BTC: variants seen among roughly 807,000 people sequenced by gnomAD.
BTC encodes probetacellulin.
BTC carries 13 observed loss-of-function variants against 18.1 expected under a neutral mutation model. The ratio of observed to expected loss-of-function variants is 0.72; its 90% CI spans 0.47 to 1.14. The LOEUF (loss-of-function observed/expected upper bound fraction) is 1.14. Among genes scored for constraint, BTC ranks in the 50% most tolerant of loss-of-function variants. The pLI is 0.00. For synonymous variants in BTC, 83 were observed against 79.4 expected (o/e 1.05, Z -0.24); for missense variants, 247 against 224.2 (o/e 1.10, Z -0.65).
At chr4:74,792,062 A>T (rs908301932) in intron 1 of BTC, among the ~76,000 whole-genome samples, 3 of 152,124 alleles carry the variant, frequency 2.0e-5, no homozygotes, top group Non-Finnish European at 4.4e-5. Flanking sequence ...AAGTAAATAG[A>T]ACAACATGTG....
chr4:74,773,635 A>G (rs1305452216), intron 1 of BTC, among the ~76,000 whole-genome samples: 2 of 150,178 alleles, frequency 1.3e-5, no homozygotes, highest in African/African-American at 2.5e-5. Context: ...TTTTTTAGAC[A>G]GAGTCTCACT....
At chr4:74,764,024 A>G (rs1724835032) in intron 2 of BTC, among the ~76,000 whole-genome samples, 2 of 152,058 alleles carry the variant, frequency 1.3e-5, no homozygotes, top group South Asian at 4.1e-4. Context: ...TTTTAAAGAA[A>G]GCAGAAAATA....
intron 1 of BTC, among the ~76,000 whole-genome samples, chr4:74,770,902 G>A (rs2109900946): frequency 6.9e-6 from 1 of 145,868 alleles, no homozygotes; most frequent in Admixed American, 6.7e-5. Flanking sequence ...ACAAAACAGG[G>A]TCTATATCGT....
intron 2 of BTC, among the ~76,000 whole-genome samples, chr4:74,765,128 C>A: frequency 1.1e-5 from 1 of 94,222 alleles, no homozygotes. Flanking sequence ...AATGAAGGAA[C>A]AGGTAAATAT....
intron 1 of BTC, among the ~76,000 whole-genome samples, chr4:74,785,137 T>C (rs192737325): frequency 9.3e-4 from 142 of 152,306 alleles, no homozygotes; most frequent in African/African-American, 3.3e-3. Flanking sequence ...TTCAATTTCT[T>C]CCTGAGTTAG....
chr4:74,791,168 C>A (rs1725614319), intron 1 of BTC, among the ~76,000 whole-genome samples: 1 of 144,064 alleles, frequency 6.9e-6, no homozygotes, highest in Admixed American at 6.7e-5. Flanking sequence ...ATGCCAAAAC[C>A]CCGTCTCTTC....
intron 2 of BTC, among the ~76,000 whole-genome samples, chr4:74,760,827 C>T (rs1236444674): frequency 4.0e-5 from 6 of 151,846 alleles, no homozygotes; most frequent in African/African-American, 1.2e-4. Context: ...CTCCGCCTCC[C>T]GGGTTCACGC....
At chr4:74,767,614 A>C (rs927303660) in intron 2 of BTC, among the ~76,000 whole-genome samples, 1 of 152,246 alleles carries the variant, frequency 6.6e-6, no homozygotes, top group South Asian at 2.1e-4. Context: ...CTGGATAGCC[A>C]AAACAATCTT....
chr4:74,767,163 T>C (rs1202962563), intron 2 of BTC, among the ~76,000 whole-genome samples: 1 of 147,240 alleles, frequency 6.8e-6, no homozygotes, highest in Non-Finnish European at 1.5e-5. Context: ...ATCCTATACA[T>C]AAAAAATTCT....
At chr4:74,757,795 C>G (rs571601501) in intron 2 of BTC, among the ~76,000 whole-genome samples, 2 of 152,164 alleles carry the variant, frequency 1.3e-5, no homozygotes, top group South Asian at 4.1e-4. Flanking sequence ...TTTAGCTATG[C>G]CTTTCACTAG....
chr4:74,781,195 C>G (rs976207350), intron 1 of BTC, among the ~76,000 whole-genome samples: 1 of 150,204 alleles, frequency 6.7e-6, no homozygotes, highest in African/African-American at 2.5e-5. Flanking sequence ...TTTCCAAGCT[C>G]CATTTGGGGA....
intron 3 of BTC, among the ~76,000 whole-genome samples, chr4:74,755,398 C>A (rs1724570996): frequency 6.6e-6 from 1 of 152,202 alleles, no homozygotes; most frequent in Non-Finnish European, 1.5e-5. Context: ...CCCCACTATA[C>A]TAAACAGGCT....
At chr4:74,756,013 T>C in intron 2 of BTC, 37 bp from the exon 3 acceptor site, 1 of 1,467,068 alleles carries the variant, frequency 6.8e-7, no homozygotes, top group East Asian at 2.3e-5. Flanking sequence ...ATCAACTCTC[T>C]TTAAATATTC....
At chr4:74,751,660 AG>A (rs1257137064) in intron 3 of BTC, among the ~76,000 whole-genome samples, 24 of 152,156 alleles carry the variant, frequency 1.6e-4, no homozygotes, top group Non-Finnish European at 3.4e-4. Context: ...GGCTTGTCTG[AG>A]TAACATCCAG....
At chr4:74,783,909 T>C (rs1725405757) in intron 1 of BTC, among the ~76,000 whole-genome samples, 1 of 152,146 alleles carries the variant, frequency 6.6e-6, no homozygotes, top group South Asian at 2.1e-4. Flanking sequence ...CTGATTTGGC[T>C]CTTGGCTTGA....
At chr4:74,750,803 C>T (rs1724440502) in intron 3 of BTC, 84 bp from the exon 4 acceptor site, 4 of 1,495,064 alleles carry the variant, frequency 2.7e-6, no homozygotes, top group South Asian at 1.3e-5. Flanking sequence ...ATTAACAGTT[C>T]TCATTACTTG....
chr4:74,766,756 C>T (rs369113974), intron 2 of BTC, among the ~76,000 whole-genome samples: 14 of 152,076 alleles, frequency 9.2e-5, no homozygotes, highest in South Asian at 8.3e-4. Flanking sequence ...ACTCATTTTA[C>T]GAAGCCAGCA....
In BTC at chr4:74,791,847, C is replaced by A. The variant is rs137967270; in HGVS notation, c.64+2415G>T. On this transcript the variant is annotated intron_variant, in intron 1 of 5. Transcript: ENST00000395743. Reference sequence around the variant, plus strand: ...CATCTAATGAAACCTCTTCATTTTACAAATTAGAAAAACAATGCCCAGAAA... The same window carrying A: ...CATCTAATGAAACCTCTTCATTTTAAAAATTAGAAAAACAATGCCCAGAAA... Among the ~76,000 whole-genome samples the A allele has an allele frequency of 1.8e-3, 272 of 152,160 alleles. 5 individuals are homozygous for A. The East Asian group carries it at 0.042, about 24-fold the overall frequency.
chr4:74,750,703 T>C lies in BTC; in HGVS notation c.298A>G (p.Ile100Val), dbSNP rs782723639. 26 of 1,613,554 alleles carry C rather than the reference T, an allele frequency of 1.6e-5. No homozygotes were observed. The highest frequency in any genetic ancestry group is 2.0e-5 in the Non-Finnish European group (24 of 1,179,880). ...TPSCVCDEGY[I>V]GARCERVDLF... Reference sequence around the variant, plus strand: ...TCAACTCTCTCACACCTTGCTCCAATGTAGCCTTCATCACAGCTATAAAAC... The same window carrying C: ...TCAACTCTCTCACACCTTGCTCCAACGTAGCCTTCATCACAGCTATAAAAC... Residue 100 changes from isoleucine (I) to valine (V), a missense_variant, in exon 4 of 6, where the codon ATT becomes GTT. Coordinates refer to ENST00000395743, the MANE Select transcript of BTC (RefSeq NM_001729.4).
Sources: gnomAD v4.1 joint callset for allele counts (sites outside exome capture counted in the v4.1 genomes callset) on GRCh38, gnomAD v4.1.1 for gene constraint, MANE v1.5 for transcripts, NCBI Gene and HGNC (gene_info 2026-07-23, HGNC 2026-07-21) for gene names.